The following ZNF775 variants were observed in gnomAD, a reference collection of about 807,000 sequenced individuals.
ZNF775 encodes the protein zinc finger protein 775.
A neutral mutation model predicts 2.4 loss-of-function variants in ZNF775; 1 was observed. That is an observed-to-expected ratio of 0.41 (90% confidence interval 0.15 to 1.94). ZNF775 has a LOEUF of 1.94. Among genes scored for constraint, ZNF775 ranks in the 30% most tolerant of loss-of-function variants. The pLI, the probability that ZNF775 is intolerant of heterozygous loss-of-function variation, is 0.30. For synonymous variants in ZNF775, 381 were observed against 373.3 expected (o/e 1.02, Z -0.24); for missense variants, 823 against 826.6 (o/e 1.00, Z 0.05).
chr7:150,388,479 TG>T lies in ZNF775; in HGVS notation c.11del (p.Gly4AlafsTer12), dbSNP rs1247784405. On this transcript the variant is annotated frameshift_variant, in exon 2 of 3. Transcript: ENST00000329630. LOFTEE classifies it low-confidence loss of function (END_TRUNC). MES[G>X]LAGNGTGAGL... Reference sequence around the variant, plus strand: ...CTGGGAGGCCTCCAGGGATGGAGAGTGGCCTGGCTGGCAACGGCACAGGTAA... The same window carrying T: ...CTGGGAGGCCTCCAGGGATGGAGAGTGCCTGGCTGGCAACGGCACAGGTAA... 4.5e-6 allele frequency: 7 copies of T among 1,551,266 alleles called. No homozygotes were observed. The highest frequency in any genetic ancestry group is 6.1e-6 in the Non-Finnish European group (7 of 1,146,898).
intron 1 of ZNF775, among the ~76,000 whole-genome samples, 175 bp downstream of exon 1, chr7:150,379,567 C>G (rs1470596976): frequency 6.6e-6 from 1 of 151,874 alleles, no homozygotes; most frequent in African/African-American, 2.4e-5. Context: ...CGCGCGCCCC[C>G]CGAGCCCCGG....
chr7:150,392,234 C>G (rs1252182245), intron 2 of ZNF775, among the ~76,000 whole-genome samples: 1 of 152,148 alleles, frequency 6.6e-6, no homozygotes, highest in Non-Finnish European at 1.5e-5. Context: ...CACTATGAAT[C>G]TAACTTAAAT....
rs368238688 is a variant in ZNF775, at chr7:150,385,482, T to C, written c.-49-2940T>C. 2.1e-4 allele frequency among the ~76,000 whole-genome samples: 10 copies of C among 46,852 alleles called. 1 individual carries two copies. In the East Asian group the frequency reaches 2.7e-3, roughly 13 times the overall value. The allele number at this position is 46,852 out of a possible 152,430, so 30.7% of individuals were successfully genotyped here. A position where few individuals can be genotyped will look rare whatever the true frequency, so the allele number is the denominator to read the frequency against. On this transcript the variant is annotated intron_variant, in intron 1 of 2. Transcript: ENST00000329630. ...AGCTCTGAGCCTGCAATACCCCGAG[T>C]GACTGCAAAGACGGGAGCTCTGAGC...
At chr7:150,386,979 T>G (rs925222291) in intron 1 of ZNF775, among the ~76,000 whole-genome samples, 2 of 150,830 alleles carry the variant, frequency 1.3e-5, no homozygotes, top group African/African-American at 4.9e-5. Context: ...AAACGGGAGG[T>G]GGAGTTAGGC....
chr7:150,388,849 G>T (rs1800504937), intron 2 of ZNF775, among the ~76,000 whole-genome samples: 1 of 152,242 alleles, frequency 6.6e-6, no homozygotes, highest in African/African-American at 2.4e-5. Context: ...TGGCACTCTA[G>T]GTAGGACGAT....
intron 1 of ZNF775, among the ~76,000 whole-genome samples, chr7:150,385,387 A>G (rs895583129): frequency 2.6e-5 from 4 of 152,226 alleles, no homozygotes; most frequent in African/African-American, 7.2e-5. Flanking sequence ...CGCACCATGG[A>G]CAATCCCCCG....
chr7:150,398,188 AC>A lies in ZNF775; in HGVS notation c.*97del. The A allele has an allele frequency of 6.7e-7, 1 of 1,499,574 alleles. No homozygotes were observed. 92.9% of individuals were successfully genotyped at this position (1,499,574 alleles called of 1,614,324 possible). The stretch of plus-strand genomic sequence containing the variant: ...GTGGCCAGGATTGCTGGCTCTTAGA[AC>A]CCCTTAGAGCGGGACCGGTGGATTC... On this transcript the variant is annotated 3_prime_UTR_variant, in exon 3 of 3. Coordinates refer to ENST00000329630, the MANE Select transcript of ZNF775 (RefSeq NM_173680.4).
At chr7:150,395,959 C>T (rs139718441) in intron 2 of ZNF775, among the ~76,000 whole-genome samples, 37 of 152,294 alleles carry the variant, frequency 2.4e-4, no homozygotes, top group African/African-American at 8.2e-4. Flanking sequence ...GCAGGAGCCC[C>T]GACAGTATAG....
intron 2 of ZNF775, among the ~76,000 whole-genome samples, chr7:150,394,515 G>C (rs1585088226): frequency 6.6e-6 from 1 of 152,056 alleles, no homozygotes; most frequent in Non-Finnish European, 1.5e-5. Flanking sequence ...ATCGCATTTT[G>C]TTTCTACCTG....
In ZNF775 at chr7:150,397,114, C is replaced by A; in HGVS notation, c.633C>A (p.Arg211=). ...RHQVGLRIHQ[R]AHARDRQGSR... ...AGGTGGGCCTCCGCATCCACCAGCG[C>A]GCGCACGCCCGGGACCGCCAGGGCT... Residue 211 remains arginine (R), a synonymous_variant, in exon 3 of 3, where the codon CGC becomes CGA. Coordinates refer to ENST00000329630, the MANE Select transcript of ZNF775 (RefSeq NM_173680.4). 1 of 1,532,732 alleles carries A rather than the reference C, an allele frequency of 6.5e-7. No individual in the cohort carries two copies. The highest frequency in any genetic ancestry group is 8.7e-7 in the Non-Finnish European group (1 of 1,148,058). 94.9% of individuals were successfully genotyped at this position (1,532,732 alleles called of 1,614,324 possible). A position where few individuals can be genotyped will look rare whatever the true frequency, so the allele number is the denominator to read the frequency against.
intron 2 of ZNF775, among the ~76,000 whole-genome samples, chr7:150,394,759 T>C (rs1347870729): frequency 2.0e-5 from 3 of 150,342 alleles, no homozygotes; most frequent in Non-Finnish European, 3.0e-5. Context: ...TTTTCACATC[T>C]ATTGGGAGTT....
chr7:150,394,790 A>T (rs1800621157), intron 2 of ZNF775, among the ~76,000 whole-genome samples: 1 of 152,068 alleles, frequency 6.6e-6, no homozygotes, highest in South Asian at 2.1e-4. Flanking sequence ...TAATAAGGTA[A>T]TGTTATAAAT....
Position 150,397,737 on chromosome 7 carries a change from C to T in ZNF775, c.1256C>T (p.Ser419Phe), listed in dbSNP as rs1475235674. The change falls in exon 3 of 3, where the codon TCC becomes TTC. Residue 419 changes from serine to phenylalanine, a missense_variant. Ser to Phe is a radical substitution (Grantham distance 155, BLOSUM62 -2). Coordinates refer to ENST00000329630, the MANE Select transcript of ZNF775 (RefSeq NM_173680.4). Reference protein sequence around the residue: ...IPGLAARPRSSQRSPGARDTL... With the variant: ...IPGLAARPRSFQRSPGARDTL... ...GGCTTGGCCGCGAGGCCGCGGAGCTCCCAACGGTCCCCGGGGGCCCGGGAC... is the reference window on the plus strand; with the variant it reads ...GGCTTGGCCGCGAGGCCGCGGAGCTTCCAACGGTCCCCGGGGGCCCGGGAC... 1.0e-5 allele frequency: 15 copies of T among 1,461,152 alleles called. No individual in the cohort carries two copies. The East Asian group carries it at 4.0e-4, about 39-fold the overall frequency. 90.5% of individuals were successfully genotyped at this position (1,461,152 alleles called of 1,614,324 possible).
At chr7:150,387,681 C>T (rs1465046942) in intron 1 of ZNF775, among the ~76,000 whole-genome samples, 3 of 152,194 alleles carry the variant, frequency 2.0e-5, no homozygotes, top group Admixed American at 6.5e-5. Context: ...GGCGTGGTGG[C>T]GGGCGCCTGT....
At chr7:150,386,643 C>T (rs1405362446) in intron 1 of ZNF775, among the ~76,000 whole-genome samples, 2 of 152,036 alleles carry the variant, frequency 1.3e-5, no homozygotes, top group African/African-American at 4.8e-5. Flanking sequence ...AGAGCCCCTC[C>T]CTGAGGCAGC....
chr7:150,391,794 C>G (rs1800564623), intron 2 of ZNF775, among the ~76,000 whole-genome samples: 1 of 140,092 alleles, frequency 7.1e-6, no homozygotes. Context: ...TCACTGCAAC[C>G]TCTGCCTCCC....
Position 150,397,831 on chromosome 7 carries a change from G to C in ZNF775, c.1350G>C (p.Glu450Asp). 6.2e-7 allele frequency: 1 copy of C among 1,600,058 alleles called. No individual in the cohort carries two copies. Residue 450 changes from glutamate to aspartate, a missense_variant, in exon 3 of 3, where the codon GAG (glutamate) becomes GAC (aspartate). Glu to Asp is a conservative substitution (Grantham distance 45). Transcript: ENST00000329630. ...AGCCGCGCCAGTTCATCTGCAACGAGTGCGGCAAGAGCTTCTCGTGGTGGT... is the reference window on the plus strand; with the variant it reads ...AGCCGCGCCAGTTCATCTGCAACGACTGCGGCAAGAGCTTCTCGTGGTGGT... ...PGEPRQFICN[E>D]CGKSFSWWSA...
At position 150,382,402 on chromosome 7, in the gene ZNF775, G is replaced by T. The variant is rs1196548639; in HGVS notation, c.-50+3010G>T. ...TGAGCTCAAAGCGCTGCAATGACTG[G>T]CCAGGGACTAGCAGCGGCTCAGTGG... is the stretch of plus-strand genomic sequence containing the variant. On this transcript the variant is annotated intron_variant, in intron 1 of 2. Coordinates refer to ENST00000329630, the MANE Select transcript of ZNF775 (RefSeq NM_173680.4). This position sits in a 1 kb window ranked among gnomAD's most constrained non-coding sequence, Gnocchi z 4.6. 6.6e-6 allele frequency among the ~76,000 whole-genome samples: 1 copy of T among 152,134 alleles called. No individual in the cohort carries two copies. The highest frequency in any genetic ancestry group is 1.5e-5 in the Non-Finnish European group (1 of 68,016).
intron 1 of ZNF775, among the ~76,000 whole-genome samples, chr7:150,387,904 C>T (rs114206010): frequency 1.5e-3 from 232 of 152,242 alleles, no homozygotes; most frequent in African/African-American, 5.4e-3. Context: ...TGGCTGGCCC[C>T]GAAGCTCCCC....
Sources: gnomAD v4.1 joint callset for allele counts (sites outside exome capture counted in the v4.1 genomes callset) on GRCh38, gnomAD v4.1.1 for gene constraint, Gnocchi (gnomAD v3.1) non-coding constraint, MANE v1.5 for transcripts, NCBI Gene and HGNC (gene_info 2026-07-23, HGNC 2026-07-21) for gene names.